CACNA1E: variants seen among roughly 807,000 people sequenced by gnomAD.
CACNA1E encodes the protein calcium voltage-gated channel subunit alpha1 E, also known as voltage-dependent R-type calcium channel subunit alpha-1E.
A neutral mutation model predicts 259.2 loss-of-function variants in CACNA1E; 40 were observed. That is an observed-to-expected ratio of 0.15 (90% confidence interval 0.12 to 0.20). CACNA1E has a LOEUF of 0.20. Ranked by LOEUF, CACNA1E falls within the 10% of genes least tolerant of loss-of-function variation. CACNA1E has a pLI of 1.00. For synonymous variants in CACNA1E, 1,104 were observed against 1,138.5 expected, an observed-to-expected ratio of 0.97 and a Z score of 0.61; for missense variants, 1,874 against 3,040.1, an observed-to-expected ratio of 0.62 and a Z score of 9.02.
At chr1:181,780,983 T>C (rs1660378870) in intron 38 of CACNA1E, among the ~76,000 whole-genome samples, 1 of 152,150 alleles carries the variant, frequency 6.6e-6, no homozygotes, top group Non-Finnish European at 1.5e-5. Flanking sequence ...GCACCGTCTA[T>C]CCGGTTTATA....
chr1:181,784,903 A>G (rs539974544), intron 41 of CACNA1E, 135 bp downstream of exon 41: 2 of 624,518 alleles, frequency 3.2e-6, no homozygotes, highest in Non-Finnish European at 5.7e-6. Context: ...AAAGGGACTT[A>G]AGGATAAAAC....
Position 181,807,921 on chromosome 1 carries a change from T to A in CACNA1E, c.*9087T>A, listed in dbSNP as rs1662740062. 6.6e-6 allele frequency: 1 copy of A among 152,216 alleles called. No homozygotes were observed. Among genetic ancestry groups the A allele is most frequent in the African/African-American group, 2.4e-5 (1 of 41,464 alleles). The allele number at this position is 152,216 out of a possible 1,614,324, so 9.4% of individuals were successfully genotyped here. Reference sequence around the variant, plus strand: ...AATCTGACAACCTTTAACTTCACACTTTTATGAGATAATAAGTTGGTTTCT... The same window carrying A: ...AATCTGACAACCTTTAACTTCACACATTTATGAGATAATAAGTTGGTTTCT... On this transcript the variant is annotated 3_prime_UTR_variant, in exon 48 of 48. Coordinates refer to ENST00000367573, the MANE Select transcript of CACNA1E (RefSeq NM_001205293.3).
At chr1:181,525,734 A>G (rs1412492535) in intron 3 of CACNA1E, among the ~76,000 whole-genome samples, 1 of 152,252 alleles carries the variant, frequency 6.6e-6, no homozygotes, top group Admixed American at 6.5e-5. Context: ...AACTACAACA[A>G]ATAGAGTCAG....
intron 3 of CACNA1E, among the ~76,000 whole-genome samples, chr1:181,533,820 A>G (rs1289883254): frequency 1.3e-5 from 2 of 151,830 alleles, no homozygotes; most frequent in African/African-American, 4.8e-5. Context: ...TTGTAATTTT[A>G]TTACTCTTGT....
chr1:181,654,982 CAAAA>C (rs1208750325), intron 7 of CACNA1E, among the ~76,000 whole-genome samples: 611 of 53,400 alleles, frequency 0.011, 4 homozygotes, highest in African/African-American at 0.032. Flanking sequence ...GACTCCATCT[CAAAA>C]AAAAAAAAAA....
In CACNA1E at chr1:181,764,707, C is replaced by T. The variant is rs1658879832; in HGVS notation, c.4815+1176C>T. ...CTAAAGTTAGATATGGAGGATAAAT[C>T]TAAAACCTTAGTGAGAATTTTCTGA... On this transcript the variant is annotated intron_variant, in intron 34 of 47. Transcript: ENST00000367573. Among the ~76,000 whole-genome samples, 6 of 152,292 alleles carry T rather than the reference C, an allele frequency of 3.9e-5. No homozygotes were observed. In the South Asian group the frequency reaches 1.2e-3, roughly 32 times the overall value.
chr1:181,419,760 G>T (rs1379375244), intron 2 of CACNA1E, among the ~76,000 whole-genome samples: 1 of 152,210 alleles, frequency 6.6e-6, no homozygotes, highest in East Asian at 1.9e-4. Context: ...AGGGAAGGAG[G>T]CAGCTGAGTT....
chr1:181,585,870 C>G (rs1164677756), intron 6 of CACNA1E, among the ~76,000 whole-genome samples: 4 of 152,028 alleles, frequency 2.6e-5, no homozygotes, highest in South Asian at 2.1e-4. Context: ...CATGTGGAGC[C>G]CTGAAGGCCA....
intron 1 of CACNA1E, among the ~76,000 whole-genome samples, chr1:181,348,764 C>T (rs1652809385): frequency 6.6e-6 from 1 of 152,242 alleles, no homozygotes; most frequent in East Asian, 1.9e-4. Context: ...AGCTGCTCTA[C>T]TGGGCATCTG....
At chr1:181,348,921 CCAGA>C (rs1223433242) in intron 1 of CACNA1E, among the ~76,000 whole-genome samples, 23 of 152,162 alleles carry the variant, frequency 1.5e-4, no homozygotes, top group African/African-American at 5.1e-4. Flanking sequence ...GGTCCTACAG[CCAGA>C]CAGTGGTAGG....
chr1:181,529,290 C>T (rs933740049), intron 3 of CACNA1E, among the ~76,000 whole-genome samples: 3 of 152,212 alleles, frequency 2.0e-5, no homozygotes, highest in Non-Finnish European at 4.4e-5. Flanking sequence ...GGAACCTCCA[C>T]CTAGATTTCA....
At chr1:181,502,037 C>T (rs1345181692) in intron 1 of CACNA1E, among the ~76,000 whole-genome samples, 5 of 151,956 alleles carry the variant, frequency 3.3e-5, no homozygotes, top group African/African-American at 1.2e-4. Context: ...TAGGCAGAGC[C>T]TTCTTTCATG....
intron 7 of CACNA1E, among the ~76,000 whole-genome samples, chr1:181,696,151 G>C (rs764246107): frequency 6.6e-6 from 1 of 150,672 alleles, no homozygotes; most frequent in Non-Finnish European, 1.5e-5. Context: ...TTTATCAAAA[G>C]ATGCCATTAA....
At chr1:181,526,801 A>C (rs1326069116) in intron 3 of CACNA1E, among the ~76,000 whole-genome samples, 1 of 152,184 alleles carries the variant, frequency 6.6e-6, no homozygotes, top group Non-Finnish European at 1.5e-5. Context: ...TGGGAAATGA[A>C]GGATTTAGGG....
At chr1:181,529,217 A>G (rs1042134279) in intron 3 of CACNA1E, among the ~76,000 whole-genome samples, 2 of 152,106 alleles carry the variant, frequency 1.3e-5, no homozygotes, top group African/African-American at 4.8e-5. Flanking sequence ...GGAAGCCCCA[A>G]GTCTTGGCAG....
In CACNA1E at chr1:181,553,747, C is replaced by T. The variant is rs188831678; in HGVS notation, c.513-24019C>T. 1.6e-3 allele frequency among the ~76,000 whole-genome samples: 251 copies of T among 152,262 alleles called. 2 individuals carry two copies. Among genetic ancestry groups the T allele is most frequent in the African/African-American group, 5.4e-3 (225 of 41,540 alleles). On this transcript the variant is annotated intron_variant, in intron 3 of 47. Coordinates refer to ENST00000367573, the MANE Select transcript of CACNA1E (RefSeq NM_001205293.3). ...AATTTATCAAAGGCCTTTTCTGCAT[C>T]TATTGAGATAATCATGTGGTTTTTG...
chr1:181,763,621 C>A, intron 34 of CACNA1E, 90 bp downstream of exon 34: 1 of 994,700 alleles, frequency 1.0e-6, no homozygotes, highest in Non-Finnish European at 1.4e-6. Context: ...GTCCCTTCAC[C>A]TCTGGGAAGC....
chr1:181,471,525 G>T (rs965717936), intron 2 of CACNA1E, among the ~76,000 whole-genome samples: 1 of 152,070 alleles, frequency 6.6e-6, no homozygotes, highest in Non-Finnish European at 1.5e-5. Flanking sequence ...GCTTTGAAGA[G>T]TTTCTTTGAT....
chr1:181,622,258 G>A (rs897823321), intron 6 of CACNA1E, among the ~76,000 whole-genome samples: 1 of 152,182 alleles, frequency 6.6e-6, no homozygotes, highest in African/African-American at 2.4e-5. Context: ...ACTCTGGGAA[G>A]TCCAGCTTTT....
Sources: allele counts gnomAD v4.1 joint callset (sites outside exome capture counted in the v4.1 genomes callset), GRCh38; gene constraint gnomAD v4.1.1; transcripts MANE v1.5; gene names NCBI Gene and HGNC (gene_info 2026-07-23, HGNC 2026-07-21).